The following DCHS2 variants were observed in gnomAD, a reference collection of about 807,000 sequenced individuals.
DCHS2 encodes protocadherin-23.
A neutral mutation model predicts 182.4 loss-of-function variants in DCHS2; 142 were observed. The observed-to-expected ratio is 0.78, with a 90% confidence interval of 0.68 to 0.89. The LOEUF (loss-of-function observed/expected upper bound fraction) is 0.89, where lower values mean the gene tolerates loss of function less well. Among genes scored for constraint, DCHS2 ranks in the 40% least tolerant of loss-of-function variants. The pLI is 0.00. For synonymous variants in DCHS2, 1,740 were observed against 1,663.3 expected (o/e 1.05, Z -1.12); for missense variants, 4,319 against 4,198.6 (o/e 1.03, Z -0.79).
At chr4:154,423,197 G>C (rs1050415902) in intron 1 of DCHS2, among the ~76,000 whole-genome samples, 1 of 152,062 alleles carries the variant, frequency 6.6e-6, no homozygotes, top group African/African-American at 2.4e-5. Context: ...AGCTATCACT[G>C]CCTGGCCCTC....
At position 154,235,998 on chromosome 4, in the gene DCHS2, T is replaced by C; in HGVS notation, c.8654A>G (p.Tyr2885Cys). Residue 2885 changes from tyrosine to cysteine, a missense_variant, in exon 20 of 20, where the codon TAT becomes TGT. Coordinates refer to ENST00000357232, the MANE Select transcript of DCHS2 (RefSeq NM_001358235.2). ...ATTCTTTTCTGGGAGGGTGAAAAAATACTGATCTTGAGTGAAAATGGGCTC... is the reference window on the plus strand; with the variant it reads ...ATTCTTTTCTGGGAGGGTGAAAAAACACTGATCTTGAGTGAAAATGGGCTC... ...EFEPIFTQDQ[Y>C]FFTLPEKNKD... is the part of the protein sequence containing the mutation. 1 of 1,613,874 alleles carries C rather than the reference T, an allele frequency of 6.2e-7. No homozygotes were observed. The highest frequency in any genetic ancestry group is 8.5e-7 in the Non-Finnish European group (1 of 1,179,926).
chr4:154,339,535 T>C (rs959601088), intron 3 of DCHS2, among the ~76,000 whole-genome samples: 1 of 151,702 alleles, frequency 6.6e-6, no homozygotes, highest in African/African-American at 2.4e-5. Flanking sequence ...CTGCAACCTC[T>C]GCCTCCTGGA....
At chr4:154,401,486 C>T (rs1258149824) in intron 1 of DCHS2, among the ~76,000 whole-genome samples, 2 of 152,196 alleles carry the variant, frequency 1.3e-5, no homozygotes, top group Admixed American at 1.3e-4. Context: ...GTTCCAGCTG[C>T]TGCTCCACAT....
At chr4:154,252,038 T>C (rs893151912) in intron 16 of DCHS2, among the ~76,000 whole-genome samples, 11 of 152,244 alleles carry the variant, frequency 7.2e-5, no homozygotes, top group Non-Finnish European at 1.2e-4. Context: ...AGTAGAATCA[T>C]GACTGATACT....
chr4:154,323,827 T>C (rs1736175199), intron 7 of DCHS2, among the ~76,000 whole-genome samples: 2 of 151,770 alleles, frequency 1.3e-5, no homozygotes, highest in African/African-American at 4.8e-5. Context: ...CCCCAAGATA[T>C]CTCAATATGT....
chr4:154,449,907 T>A (rs909330125), intron 1 of DCHS2, among the ~76,000 whole-genome samples: 9 of 152,204 alleles, frequency 5.9e-5, no homozygotes, highest in African/African-American at 2.2e-4. Context: ...CAAAAAATCT[T>A]AACGTGAGCA....
intron 1 of DCHS2, among the ~76,000 whole-genome samples, chr4:154,392,527 C>T (rs1406153059): frequency 6.6e-6 from 1 of 152,176 alleles, no homozygotes; most frequent in Non-Finnish European, 1.5e-5. Flanking sequence ...CTGTGACTGA[C>T]TGCACTATAG....
At chr4:154,409,363 TC>T (rs753687306) in intron 1 of DCHS2, among the ~76,000 whole-genome samples, 5 of 152,198 alleles carry the variant, frequency 3.3e-5, no homozygotes, top group Non-Finnish European at 7.3e-5. Context: ...CAGTGTCTTA[TC>T]TTCTGGGGCC....
Position 154,490,571 on chromosome 4 carries a change from T to A in DCHS2, c.785A>T (p.His262Leu), listed in dbSNP as rs1728783628. ...RRLDREEAAA[H>L]RLQIEAWDGG... ...GTCCCATGCCTCGATCTGCAGCCGG[T>A]GCGCCGCCGCCTCCTCTCGGTCCAA... Residue 262 changes from histidine (H) to leucine (L), a missense_variant, in exon 1 of 20, where the codon CAC becomes CTC. Coordinates refer to ENST00000357232, the MANE Select transcript of DCHS2 (RefSeq NM_001358235.2). The A allele has an allele frequency of 6.5e-7, 1 of 1,542,918 alleles. No individual in the cohort carries two copies. Among genetic ancestry groups the A allele is most frequent in the Non-Finnish European group, 8.7e-7 (1 of 1,146,112 alleles).
intron 17 of DCHS2, 39 bp from the exon 18 acceptor site, chr4:154,240,862 T>C: frequency 2.5e-6 from 4 of 1,602,292 alleles, no homozygotes; most frequent in Non-Finnish European, 3.4e-6. Flanking sequence ...CCATTAAAAT[T>C]CATCCTTTGA....
Position 154,320,571 on chromosome 4 carries a change from T to C in DCHS2, c.4828A>G (p.Ile1610Val), listed in dbSNP as rs1194246729. ...GGGTTGTGGTCATTTACATCCAAAA[T>C]CACTATTTGTGCTGTCAGTGATCTC... Reference protein sequence around the residue: ...RLRSLTAQIVILDVNDHNPTF... With the variant: ...RLRSLTAQIVVLDVNDHNPTF... The change falls in exon 9 of 20, where the codon ATT becomes GTT. Residue 1610 changes from isoleucine (I) to valine (V), a missense_variant. Transcript: ENST00000357232. The C allele has an allele frequency of 2.5e-6, 4 of 1,614,100 alleles. No homozygotes were observed. The African/African-American group carries it at 5.3e-5, about 22-fold the overall frequency.
At chr4:154,362,399 TTTAAG>T (rs1399432475) in intron 3 of DCHS2, among the ~76,000 whole-genome samples, 1 of 152,178 alleles carries the variant, frequency 6.6e-6, no homozygotes, top group Admixed American at 6.6e-5. Context: ...GTAGGAAGGA[TTTAAG>T]TTACTTTTGC....
intron 1 of DCHS2, among the ~76,000 whole-genome samples, chr4:154,480,316 G>C (rs1162439866): frequency 6.6e-6 from 1 of 152,186 alleles, no homozygotes; most frequent in Non-Finnish European, 1.5e-5. Context: ...ATTCTGCACA[G>C]TTAATTGAAA....
intron 13 of DCHS2, among the ~76,000 whole-genome samples, chr4:154,292,845 G>C (rs1734728408): frequency 6.6e-6 from 1 of 152,128 alleles, no homozygotes; most frequent in Non-Finnish European, 1.5e-5. Context: ...CAGGCACCCA[G>C]GTGAACCAGT....
At chr4:154,488,214 C>CG (rs550705144) in intron 1 of DCHS2, among the ~76,000 whole-genome samples, 1 of 146,834 alleles carries the variant, frequency 6.8e-6, no homozygotes, top group African/African-American at 2.5e-5. Context: ...AAATCGGAAG[C>CG]AAAAAAAAAA....
intron 1 of DCHS2, among the ~76,000 whole-genome samples, chr4:154,437,538 T>G (rs186631947): frequency 6.6e-6 from 1 of 152,190 alleles, no homozygotes; most frequent in Non-Finnish European, 1.5e-5. Context: ...AATCAAGCAA[T>G]ATAAATACTA....
At chr4:154,370,705 G>T (rs1173493110) in intron 2 of DCHS2, among the ~76,000 whole-genome samples, 1 of 152,158 alleles carries the variant, frequency 6.6e-6, no homozygotes, top group Non-Finnish European at 1.5e-5. Flanking sequence ...GTAGGTTAGT[G>T]GATTTGGTGG....
intron 4 of DCHS2, 133 bp downstream of exon 4, chr4:154,334,735 C>T: frequency 4.3e-6 from 3 of 693,366 alleles, no homozygotes; most frequent in Non-Finnish European, 7.4e-6. Flanking sequence ...GAGCAAGCCA[C>T]AGTTTGTGTT....
intron 1 of DCHS2, among the ~76,000 whole-genome samples, chr4:154,474,621 C>T (rs1735611854): frequency 6.6e-6 from 1 of 152,270 alleles, no homozygotes; most frequent in Non-Finnish European, 1.5e-5. Flanking sequence ...CAATAAACTA[C>T]GTCTGTCTTC....
Sources: gnomAD v4.1 joint callset for allele counts (sites outside exome capture counted in the v4.1 genomes callset) on GRCh38, gnomAD v4.1.1 for gene constraint, MANE v1.5 for transcripts, NCBI Gene and HGNC (gene_info 2026-07-23, HGNC 2026-07-21) for gene names.